SPTBN1: variants seen among roughly 807,000 people sequenced by gnomAD.
SPTBN1 encodes spectrin beta chain, non-erythrocytic 1.
Under a neutral mutation model 266.4 loss-of-function variants are expected in SPTBN1, and 32 were observed. The observed-to-expected ratio is 0.12, with a 90% CI of 0.09 to 0.16. The LOEUF (loss-of-function observed/expected upper bound fraction) is 0.16. Ranked by LOEUF, SPTBN1 falls within the 10% of genes least tolerant of loss-of-function variation. SPTBN1 has a pLI of 1.00. For missense variants in SPTBN1, 2,296 were observed against 3,067.1 expected, an observed-to-expected ratio of 0.75 and a Z score of 5.94; for synonymous variants, 1,336 against 1,162.2, an observed-to-expected ratio of 1.15 and a Z score of -3.04.
Position 54,612,124 on chromosome 2 carries a change from G to C in SPTBN1, c.301-37G>C, listed in dbSNP as rs189926069. 6.4e-5 allele frequency: 99 copies of C among 1,545,466 alleles called. 2 individuals carry two copies. In the East Asian group the frequency reaches 1.6e-3, roughly 25 times the overall value. Reference sequence around the variant, plus strand: ...ACTCGGGGTTCATCTCTACTCTGTTGGGTGATGTGTCTCTACCTCTGCTCT... The same window carrying C: ...ACTCGGGGTTCATCTCTACTCTGTTCGGTGATGTGTCTCTACCTCTGCTCT... On this transcript the variant is annotated intron_variant, in intron 3 of 35. Transcript: ENST00000356805.
At position 54,629,861 on chromosome 2, in the gene SPTBN1, A is replaced by T. The variant is rs1276709261; in HGVS notation, c.2670-31A>T. 7 of 1,613,612 alleles carry T rather than the reference A, an allele frequency of 4.3e-6. No homozygotes were observed. The South Asian group carries it at 4.4e-5, about 10-fold the overall frequency. The stretch of plus-strand genomic sequence containing the variant: ...TCCTTGTGACCACCAGTGGCCCAGG[A>T]GGTGACCACCCTGTCAAATTGCCAT... On this transcript the variant is annotated intron_variant, in intron 14 of 35. Transcript: ENST00000356805.
chr2:54,543,886 A>G (rs1428380772), intron 2 of SPTBN1, among the ~76,000 whole-genome samples: 3 of 152,122 alleles, frequency 2.0e-5, no homozygotes, highest in African/African-American at 7.2e-5. Flanking sequence ...AGAACAATCC[A>G]AGTCAGACAG....
At chr2:54,627,991 G>A (rs1210311289) in intron 12 of SPTBN1, 106 bp from the exon 13 acceptor site, 7 of 1,364,732 alleles carry the variant, frequency 5.1e-6, no homozygotes, top group African/African-American at 1.5e-5. Flanking sequence ...GCAGACTAGA[G>A]GGAAGGCATA....
At chr2:54,605,261 G>A (rs972276199) in intron 3 of SPTBN1, among the ~76,000 whole-genome samples, 2 of 152,102 alleles carry the variant, frequency 1.3e-5, no homozygotes, top group Admixed American at 6.6e-5. Flanking sequence ...GATGGGAACC[G>A]AGTCCCTCAC....
At position 54,632,744 on chromosome 2, in the gene SPTBN1, A is replaced by T. The variant is rs570799310; in HGVS notation, c.3743A>T (p.Glu1248Val). 6.2e-7 allele frequency: 1 copy of T among 1,614,192 alleles called. No homozygotes were observed. Among genetic ancestry groups the T allele is most frequent in the East Asian group, 2.2e-5 (1 of 44,882 alleles). ...DGNINSDRIQEKVDSIDDRHR... is the reference protein window; with the variant it reads ...DGNINSDRIQVKVDSIDDRHR... ...AACATCAACTCAGATCGCATCCAGG[A>T]GAAGGTGGACTCTATTGATGACAGG... Residue 1248 changes from glutamate (E) to valine (V), a missense_variant, in exon 17 of 36, where the codon GAG becomes GTG. Around this residue, in one of 12 missense-constraint regions of SPTBN1, gnomAD observed 386 missense variants for 486.1 expected, o/e 0.79. Transcript: ENST00000356805.
intron 2 of SPTBN1, among the ~76,000 whole-genome samples, chr2:54,571,665 G>A (rs1490818872): frequency 3.3e-5 from 5 of 149,726 alleles, no homozygotes; most frequent in African/African-American, 5.1e-5. Context: ...TACTCAGTGG[G>A]TATTTGTGAA....
intron 1 of SPTBN1, among the ~76,000 whole-genome samples, chr2:54,524,491 A>C (rs1670678418): frequency 1.3e-5 from 2 of 152,028 alleles, no homozygotes; most frequent in African/African-American, 4.8e-5. Flanking sequence ...TCCAAAGCAC[A>C]TCCACCTCTA....
Position 54,496,416 on chromosome 2 carries a change from C to T in SPTBN1, c.-47-29956C>T, listed in dbSNP as rs1031256857. On this transcript the variant is annotated intron_variant, in intron 1 of 35. Coordinates refer to ENST00000356805, the MANE Select transcript of SPTBN1 (RefSeq NM_003128.3). ...TTGCGCCACTGCACTCCAGCCTGGGCGACAGAGTGATACTCCGTGTCTTAA... is the reference window on the plus strand; with the variant it reads ...TTGCGCCACTGCACTCCAGCCTGGGTGACAGAGTGATACTCCGTGTCTTAA... Among the ~76,000 whole-genome samples the T allele has an allele frequency of 1.1e-4, 14 of 129,714 alleles. 1 individual carries two copies. Among genetic ancestry groups the T allele is most frequent in the African/African-American group, 3.3e-4 (11 of 33,004 alleles). The allele number at this position is 129,714 out of a possible 152,430, so 85.1% of individuals were successfully genotyped here.
chr2:54,595,315 G>A (rs1402170752), intron 2 of SPTBN1, among the ~76,000 whole-genome samples: 2 of 152,122 alleles, frequency 1.3e-5, no homozygotes, highest in Non-Finnish European at 2.9e-5. Flanking sequence ...GGAGGGTGGG[G>A]GCAAATATAG....
intron 2 of SPTBN1, among the ~76,000 whole-genome samples, chr2:54,585,482 C>T (rs1274668005): frequency 2.6e-5 from 4 of 152,160 alleles, no homozygotes; most frequent in Non-Finnish European, 5.9e-5. Context: ...TCCACCAAAA[C>T]TCTGTAGTAT....
chr2:54,480,249 G>A (rs1264879716), intron 1 of SPTBN1, among the ~76,000 whole-genome samples: 1 of 152,212 alleles, frequency 6.6e-6, no homozygotes, highest in Non-Finnish European at 1.5e-5. Flanking sequence ...GATACAGAAT[G>A]GTTGGGAGGT....
intron 2 of SPTBN1, among the ~76,000 whole-genome samples, chr2:54,543,614 T>A (rs1356383551): frequency 6.6e-6 from 1 of 152,104 alleles, no homozygotes; most frequent in Admixed American, 6.6e-5. Flanking sequence ...ATTAAAAAAA[T>A]TAATATGGTC....
At chr2:54,564,967 G>A (rs79479467) in intron 2 of SPTBN1, among the ~76,000 whole-genome samples, 7,309 of 152,272 alleles carry the variant, frequency 0.048, 221 homozygotes, top group Middle Eastern at 0.12. Flanking sequence ...AATGAAGTCA[G>A]TGTTATAGAC....
At chr2:54,459,762 C>T (rs1693262852) in intron 1 of SPTBN1, among the ~76,000 whole-genome samples, 1 of 152,156 alleles carries the variant, frequency 6.6e-6, no homozygotes, top group African/African-American at 2.4e-5. Flanking sequence ...CTAACTACCC[C>T]TGTTAGAAGA....
In SPTBN1 at chr2:54,632,525, C is replaced by T. The variant is rs1325096840; in HGVS notation, c.3565-41C>T. On this transcript the variant is annotated intron_variant, in intron 16 of 35. Coordinates refer to ENST00000356805, the MANE Select transcript of SPTBN1 (RefSeq NM_003128.3). Reference sequence around the variant, plus strand: ...ATGTAGAACACAGGAAAATGAGATCCTTCATTGATCTGCTATGATTTGTTC... The same window carrying T: ...ATGTAGAACACAGGAAAATGAGATCTTTCATTGATCTGCTATGATTTGTTC... 6.3e-6 allele frequency: 10 copies of T among 1,592,714 alleles called. No individual in the cohort carries two copies. The East Asian group carries it at 1.8e-4, about 28-fold the overall frequency.
chr2:54,562,533 C>CTTTTTCTTTTTTTCTTTTTT (rs1673375099), intron 2 of SPTBN1, among the ~76,000 whole-genome samples: 1 of 126,828 alleles, frequency 7.9e-6, no homozygotes, highest in Non-Finnish European at 1.6e-5. Context: ...TTTTCTTTTT[C>CTTTTTCTTTTTTTCTTTTTT]TTTTTTTTTT....
intron 1 of SPTBN1, among the ~76,000 whole-genome samples, chr2:54,472,426 A>G (rs73932845): frequency 0.036 from 5,475 of 152,264 alleles, 275 homozygotes; most frequent in East Asian, 0.13. Context: ...AGGCAGAGTC[A>G]GAGGCATTGG....
At position 54,645,880 on chromosome 2, in the gene SPTBN1, A is replaced by G. The variant is rs1243983369; in HGVS notation, c.4495-48A>G. 4 of 1,601,024 alleles carry G rather than the reference A, an allele frequency of 2.5e-6. No individual in the cohort carries two copies. The African/African-American group carries it at 5.4e-5, about 21-fold the overall frequency. On this transcript the variant is annotated intron_variant, in intron 21 of 35. Transcript: ENST00000356805. The surrounding 1 kb of genome is among the most constrained non-coding windows in gnomAD (Gnocchi z 4.3). ...CCCTCACTGCTCGTTTGTGTCGTAT[A>G]TTTGTTCCTCTGAGTGGATCTGACC...
Position 54,632,661 on chromosome 2 carries a change from C to A in SPTBN1, c.3660C>A (p.Ala1220=), listed in dbSNP as rs777332893. Residue 1220 remains alanine (A), a synonymous_variant, in exon 17 of 36, where the codon GCC becomes GCA. Transcript: ENST00000356805. ...KQEDFMTTMD[A]NEEKINAVVE... is the part of the protein sequence containing the mutation. ...AGGACTTCATGACCACCATGGACGCCAATGAGGAGAAGATCAATGCTGTGG... is the reference window on the plus strand; with the variant it reads ...AGGACTTCATGACCACCATGGACGCAAATGAGGAGAAGATCAATGCTGTGG... The A allele has an allele frequency of 6.2e-7, 1 of 1,614,142 alleles. No homozygotes were observed. The highest frequency in any genetic ancestry group is 8.5e-7 in the Non-Finnish European group (1 of 1,180,030).
Sources: allele counts gnomAD v4.1 joint callset (sites outside exome capture counted in the v4.1 genomes callset), GRCh38; gene constraint gnomAD v4.1.1; regional missense constraint gnomAD v4.1.1; non-coding constraint Gnocchi (gnomAD v3.1); transcripts MANE v1.5; gene names NCBI Gene and HGNC (gene_info 2026-07-23, HGNC 2026-07-21).